DDX31: variants seen among roughly 807,000 people sequenced by gnomAD.
DDX31 encodes ATP-dependent DNA helicase DDX31.
A neutral mutation model predicts 91.3 loss-of-function variants in DDX31; 70 were observed. That is an observed-to-expected ratio of 0.77 (90% CI 0.63 to 0.94). The LOEUF is 0.94. Ranked by LOEUF, DDX31 falls within the 40% of genes least tolerant of loss-of-function variation. The pLI, the probability that DDX31 is intolerant of heterozygous loss-of-function variation, is 0.00. For synonymous variants in DDX31, 362 were observed against 350.6 expected, an observed-to-expected ratio of 1.03 and a Z score of -0.36; for missense variants, 902 against 925.0, an observed-to-expected ratio of 0.98 and a Z score of 0.32.
At chr9:132,626,826 A>G (rs1247092017) in intron 16 of DDX31, among the ~76,000 whole-genome samples, 2 of 152,084 alleles carry the variant, frequency 1.3e-5, no homozygotes, top group Admixed American at 6.5e-5. Flanking sequence ...CTCACCCCTC[A>G]GCATCCTCTC....
chr9:132,627,881 C>T (rs1048546739), intron 16 of DDX31, among the ~76,000 whole-genome samples: 3 of 152,232 alleles, frequency 2.0e-5, no homozygotes. Context: ...GCCCCTCTGC[C>T]TGGCTCTCAT....
chr9:132,613,023 G>A (rs1424783871), intron 18 of DDX31, among the ~76,000 whole-genome samples: 1 of 152,088 alleles, frequency 6.6e-6, no homozygotes, highest in African/African-American at 2.4e-5. Flanking sequence ...AGTAATCCTT[G>A]TGCCTCAGAC....
chr9:132,664,997 C>A (rs751337610), intron 1 of DDX31, among the ~76,000 whole-genome samples: 4 of 152,152 alleles, frequency 2.6e-5, no homozygotes, highest in Non-Finnish European at 5.9e-5. Flanking sequence ...CCAGTCAAGC[C>A]AAGGTGCTCT....
At chr9:132,646,428 C>G (rs1471018901) in intron 12 of DDX31, among the ~76,000 whole-genome samples, 1 of 152,200 alleles carries the variant, frequency 6.6e-6, no homozygotes, top group African/African-American at 2.4e-5. Context: ...CCCTTAAGCC[C>G]TTCCACTTAC....
At position 132,669,393 on chromosome 9, in the gene DDX31, G is replaced by A. The variant is rs954400063; in HGVS notation, c.75+467C>T. 5.9e-5 allele frequency among the ~76,000 whole-genome samples: 9 copies of A among 152,114 alleles called. No homozygotes were observed. The East Asian group carries it at 1.7e-3, about 29-fold the overall frequency. On this transcript the variant is annotated intron_variant, in intron 1 of 19. Coordinates refer to ENST00000372159, the MANE Select transcript of DDX31 (RefSeq NM_022779.9). ...TTTGGAAAGTAAGTCACGATATATA[G>A]GGTTAAATGAAAGCCATCTGATGAG... is the stretch of plus-strand genomic sequence containing the variant.
At chr9:132,635,088 C>T (rs568103954) in intron 14 of DDX31, among the ~76,000 whole-genome samples, 3 of 152,118 alleles carry the variant, frequency 2.0e-5, no homozygotes, top group South Asian at 2.1e-4. Flanking sequence ...GGTAAGGTTG[C>T]GGTTAGGCTT....
At chr9:132,647,101 C>G in intron 11 of DDX31, 43 bp from the exon 12 acceptor site, 1 of 1,589,804 alleles carries the variant, frequency 6.3e-7, no homozygotes, top group Non-Finnish European at 8.6e-7. Flanking sequence ...ACAAACACAC[C>G]ATGAAACTGG....
chr9:132,632,212 C>T (rs780520574), intron 14 of DDX31, 121 bp from the exon 15 acceptor site: 109 of 477,906 alleles, frequency 2.3e-4, no homozygotes, highest in Middle Eastern at 6.5e-4. Flanking sequence ...CATGCACATT[C>T]GGGCATACAC....
chr9:132,617,351 C>A (rs961914629), intron 18 of DDX31, among the ~76,000 whole-genome samples: 2 of 152,056 alleles, frequency 1.3e-5, no homozygotes, highest in Admixed American at 6.6e-5. Context: ...CTCTTGTCAC[C>A]TTTAAATGGA....
chr9:132,649,484 A>C (rs1052577497), intron 9 of DDX31, among the ~76,000 whole-genome samples: 1 of 152,168 alleles, frequency 6.6e-6, no homozygotes, highest in Non-Finnish European at 1.5e-5. Flanking sequence ...AGACAGAAAG[A>C]GCTTGGTCCC....
At chr9:132,641,929 T>G in intron 14 of DDX31, 75 bp downstream of exon 14, 1 of 1,503,196 alleles carries the variant, frequency 6.7e-7, no homozygotes, top group Non-Finnish European at 9.3e-7. Flanking sequence ...CAGGACAAAC[T>G]GTCAAGAGAC....
intron 18 of DDX31, among the ~76,000 whole-genome samples, chr9:132,614,499 G>T (rs902809878): frequency 1.3e-5 from 2 of 151,836 alleles, no homozygotes; most frequent in African/African-American, 4.8e-5. Flanking sequence ...ACTCACTCTG[G>T]TCTCAAAAAA....
intron 19 of DDX31, among the ~76,000 whole-genome samples, chr9:132,607,053 C>T (rs138741267): frequency 1.4e-4 from 22 of 152,276 alleles, no homozygotes; most frequent in African/African-American, 3.9e-4. Context: ...GAAGAAGGGG[C>T]GACTGGTGTG....
At chr9:132,657,877 C>T (rs1834671212) in intron 6 of DDX31, among the ~76,000 whole-genome samples, 1 of 152,164 alleles carries the variant, frequency 6.6e-6, no homozygotes, top group African/African-American at 2.4e-5. Context: ...ATAAATTCTA[C>T]ATAATCTCAA....
chr9:132,666,670 C>T (rs995399330), intron 1 of DDX31, among the ~76,000 whole-genome samples: 4 of 151,836 alleles, frequency 2.6e-5, no homozygotes, highest in Non-Finnish European at 5.9e-5. Flanking sequence ...CACAGGCACC[C>T]ACCACCACAC....
At chr9:132,664,217 C>G (rs1835163605) in intron 1 of DDX31, among the ~76,000 whole-genome samples, 1 of 152,226 alleles carries the variant, frequency 6.6e-6, no homozygotes, top group African/African-American at 2.4e-5. Context: ...AGCTTACTTC[C>G]TCTTAACACA....
intron 19 of DDX31, among the ~76,000 whole-genome samples, chr9:132,601,440 GT>G (rs1378334675): frequency 6.6e-6 from 1 of 152,220 alleles, no homozygotes. Flanking sequence ...ATCATGGGCA[GT>G]TTCCTCCTCT....
rs1425320952 is a variant in DDX31 at position 132,594,092 on chromosome 9, C to T, written c.*774G>A. 1 of 152,102 alleles carries T rather than the reference C, an allele frequency of 6.6e-6. No homozygotes were observed. 9.4% of individuals were successfully genotyped at this position (152,102 alleles called of 1,614,324 possible). ...ACAATACAAAGACCCCCAGACCTTTCTTGAAGACAAGACAGGATTCGATAG... is the reference window on the plus strand; with the variant it reads ...ACAATACAAAGACCCCCAGACCTTTTTTGAAGACAAGACAGGATTCGATAG... On this transcript the variant is annotated 3_prime_UTR_variant, in exon 20 of 20. Transcript: ENST00000372159.
chr9:132,663,169 C>A (rs1002239440), intron 1 of DDX31: 4 of 1,285,756 alleles, frequency 3.1e-6, no homozygotes, highest in Non-Finnish European at 4.1e-6. Context: ...GAGAGAGGGG[C>A]GAGGGGGAAT....
Sources: gnomAD v4.1 joint callset for allele counts (sites outside exome capture counted in the v4.1 genomes callset) on GRCh38, gnomAD v4.1.1 for gene constraint, MANE v1.5 for transcripts, NCBI Gene and HGNC (gene_info 2026-07-23, HGNC 2026-07-21) for gene names.